The following ZNF708 variants were observed in gnomAD, a reference collection of about 807,000 sequenced individuals.
ZNF708 encodes zinc finger protein 708.
A neutral mutation model predicts 47.0 loss-of-function variants in ZNF708; 44 were observed. The ratio of observed to expected loss-of-function variants is 0.94; its 90% CI spans 0.74 to 1.20. The LOEUF is 1.20. Ranked by LOEUF, ZNF708 falls within the 50% of genes most tolerant of loss-of-function variation. The pLI is 0.00. For synonymous variants in ZNF708, 184 were observed against 218.5 expected (o/e 0.84, Z 1.39); for missense variants, 557 against 656.0 (o/e 0.85, Z 1.65).
Position 21,291,535 on chromosome 19 carries a change from T to C in ZNF708, c.*1739A>G, listed in dbSNP as rs1212805337. On this transcript the variant is annotated 3_prime_UTR_variant, in exon 4 of 4. Coordinates refer to ENST00000356929, the MANE Select transcript of ZNF708 (RefSeq NM_021269.3). ...CTAGAGAGTTGAATCACAGCAATAT[T>C]AGCTTTTTAAAAAATCTGTACTTCT... is the stretch of plus-strand genomic sequence containing the variant. The C allele has an allele frequency of 2.6e-5, 4 of 152,122 alleles. No individual in the cohort carries two copies. The highest frequency in any genetic ancestry group is 5.9e-5 in the Non-Finnish European group (4 of 68,020). 9.4% of individuals were successfully genotyped at this position (152,122 alleles called of 1,614,324 possible).
intron 3 of ZNF708, among the ~76,000 whole-genome samples, chr19:21,305,190 T>C (rs954278009): frequency 6.6e-6 from 1 of 151,614 alleles, no homozygotes; most frequent in Non-Finnish European, 1.5e-5. Flanking sequence ...TTTGTATTTT[T>C]AGTAGAGACA....
rs1294991564 is a variant in ZNF708, at chr19:21,297,256, ATATATATATATATATTTTTTTTTTTTT to A, written c.227-2544_227-2518del. Among the ~76,000 whole-genome samples, 6 of 14,146 alleles carry A rather than the reference ATATATATATATATATTTTTTTTTTTTT, an allele frequency of 4.2e-4. No homozygotes were observed. In the East Asian group the frequency reaches 7.1e-3, roughly 17 times the overall value. 9.3% of individuals were successfully genotyped at this position (14,146 alleles called of 152,430 possible). On this transcript the variant is annotated intron_variant, in intron 3 of 3. Transcript: ENST00000356929. ...GTATGCAAATAAGGTATATATATAT[ATATATATATATATATTTTTTTTTTTTT>A]TTTTTTTTTTTTTTTTCAGATGGAG...
At chr19:21,328,116 TAA>T (rs1568357328) in intron 1 of ZNF708, 1 of 549,576 alleles carries the variant, frequency 1.8e-6, no homozygotes, top group Non-Finnish European at 2.3e-6. Flanking sequence ...CATCACTCCG[TAA>T]AGTTTCCAAA....
rs200730603 is a variant in ZNF708, at chr19:21,310,487, A to C, written c.130+14T>G. On this transcript the variant is annotated intron_variant, in intron 2 of 3. Transcript: ENST00000356929. ...TAAATAATAAAAATTAAAAAAAAAA[A>C]AACTTATCCTCACCCAGGAATACCA... 108 of 1,324,964 alleles carry C rather than the reference A, an allele frequency of 8.2e-5. No individual in the cohort carries two copies. Among genetic ancestry groups the C allele is most frequent in the Non-Finnish European group, 9.6e-5 (98 of 1,023,340 alleles). 82.1% of individuals were successfully genotyped at this position (1,324,964 alleles called of 1,614,324 possible). A position where few individuals can be genotyped will look rare whatever the true frequency, so the allele number is the denominator to read the frequency against.
At chr19:21,296,358 C>G (rs1178735787) in intron 3 of ZNF708, among the ~76,000 whole-genome samples, 1 of 151,850 alleles carries the variant, frequency 6.6e-6, no homozygotes, top group Admixed American at 6.6e-5. Flanking sequence ...AAAAATTAGC[C>G]GGGCGTGGTC....
intron 3 of ZNF708, among the ~76,000 whole-genome samples, chr19:21,295,468 G>T (rs954990137): frequency 6.6e-6 from 1 of 152,000 alleles, no homozygotes; most frequent in Non-Finnish European, 1.5e-5. Flanking sequence ...TGACAGGGCC[G>T]GGCACAGTAG....
Position 21,321,677 on chromosome 19 carries a change from A to T in ZNF708, c.3+7533T>A, listed in dbSNP as rs181550565. ...GGGAGGTGAGAGAGAGAGAGAAAAGAAAAAAGAAGGAAACAAAGAAAGAAA... is the reference window on the plus strand; with the variant it reads ...GGGAGGTGAGAGAGAGAGAGAAAAGTAAAAAGAAGGAAACAAAGAAAGAAA... On this transcript the variant is annotated intron_variant, in intron 1 of 3. Transcript: ENST00000356929. Among the ~76,000 whole-genome samples, 24 of 148,724 alleles carry T rather than the reference A, an allele frequency of 1.6e-4. No homozygotes were observed. In the East Asian group the frequency reaches 4.5e-3, roughly 28 times the overall value.
chr19:21,320,912 C>T (rs544991392), intron 1 of ZNF708, among the ~76,000 whole-genome samples: 28 of 151,624 alleles, frequency 1.8e-4, no homozygotes, highest in South Asian at 6.3e-4. Context: ...GAGGCCGAGG[C>T]GGGTGGATCA....
intron 3 of ZNF708, among the ~76,000 whole-genome samples, chr19:21,297,450 A>G (rs1972562621): frequency 6.6e-6 from 1 of 150,456 alleles, no homozygotes; most frequent in African/African-American, 2.4e-5. Context: ...GTAATTCCCA[A>G]GGTACCACAA....
intron 1 of ZNF708, among the ~76,000 whole-genome samples, chr19:21,320,869 CG>C (rs1300159545): frequency 4.7e-5 from 7 of 149,354 alleles, no homozygotes; most frequent in African/African-American, 1.7e-4. Context: ...AGGCTGGGCG[CG>C]GTGGCTCACG....
intron 1 of ZNF708, among the ~76,000 whole-genome samples, chr19:21,314,238 T>C (rs1972959970): frequency 6.6e-6 from 1 of 151,518 alleles, no homozygotes; most frequent in Non-Finnish European, 1.5e-5. Context: ...TTCTGTTTTT[T>C]GTAAGCTTAC....
chr19:21,301,623 A>C (rs1972661534), intron 3 of ZNF708, among the ~76,000 whole-genome samples: 1 of 151,238 alleles, frequency 6.6e-6, no homozygotes, highest in Non-Finnish European at 1.5e-5. Flanking sequence ...CTCAAAAATA[A>C]AACAAACAAA....
At chr19:21,296,953 T>C (rs1315832458) in intron 3 of ZNF708, among the ~76,000 whole-genome samples, 1 of 151,494 alleles carries the variant, frequency 6.6e-6, no homozygotes, top group African/African-American at 2.4e-5. Context: ...GCCAACATGG[T>C]GAAACCCCAT....
rs1431726655 is a variant in ZNF708, at chr19:21,318,671, TG to T, written c.4-8045del. 3 of 152,222 alleles carry T rather than the reference TG, an allele frequency of 2.0e-5. No individual in the cohort carries two copies. In the East Asian group the frequency reaches 5.8e-4, roughly 29 times the overall value. 9.4% of individuals were successfully genotyped at this position (152,222 alleles called of 1,614,324 possible). A position where few individuals can be genotyped will look rare whatever the true frequency, so the allele number is the denominator to read the frequency against. Reference sequence around the variant, plus strand: ...CTGCTCTCATCTCCTAGCCATTGAATGGGGGTTCCATATTGAAATACAACTG... The same window carrying T: ...CTGCTCTCATCTCCTAGCCATTGAATGGGGTTCCATATTGAAATACAACTG... On this transcript the variant is annotated intron_variant, in intron 1 of 3. Transcript: ENST00000356929.
chr19:21,315,285 T>A (rs1972979811), intron 1 of ZNF708, among the ~76,000 whole-genome samples: 1 of 152,198 alleles, frequency 6.6e-6, no homozygotes, highest in Non-Finnish European at 1.5e-5. Flanking sequence ...GATGTCTATG[T>A]TGACATCTCA....
At chr19:21,327,860 A>T (rs530307576) in intron 1 of ZNF708, 2 of 325,472 alleles carry the variant, frequency 6.1e-6, no homozygotes, top group East Asian at 1.1e-4. Context: ...AGACAATCTT[A>T]ATGTCTCAAG....
chr19:21,328,815 T>C (rs1199015906), intron 1 of ZNF708, among the ~76,000 whole-genome samples: 1 of 152,192 alleles, frequency 6.6e-6, no homozygotes, highest in Non-Finnish European at 1.5e-5. Flanking sequence ...CTGCCACAGA[T>C]TTTTAATAGG....
Position 21,293,611 on chromosome 19 carries a change from T to A in ZNF708, c.1355A>T (p.Glu452Val). 1 of 1,612,750 alleles carries A rather than the reference T, an allele frequency of 6.2e-7. No individual in the cohort carries two copies. The highest frequency in any genetic ancestry group is 8.5e-7 in the Non-Finnish European group (1 of 1,179,770). Residue 452 changes from glutamate (E) to valine (V), a missense_variant, in exon 4 of 4, where the codon GAA becomes GTA. Glu to Val is a moderately radical substitution (Grantham distance 121). Coordinates refer to ENST00000356929, the MANE Select transcript of ZNF708 (RefSeq NM_021269.3). Reference protein sequence around the residue: ...HTEDKPYKCEECGKTFNYSSN... With the variant: ...HTEDKPYKCEVCGKTFNYSSN... ...GGAGTAGTTAAAAGTTTTGCCACAT[T>A]CTTCACATTTGTAGGGTTTGTCTTC...
In ZNF708 at chr19:21,292,437, C is replaced by A. The variant is rs1261015299; in HGVS notation, c.*837G>T. The A allele has an allele frequency of 6.6e-6, 1 of 152,100 alleles. No homozygotes were observed. Among genetic ancestry groups the A allele is most frequent in the Non-Finnish European group, 1.5e-5 (1 of 68,024 alleles). The allele number at this position is 152,100 out of a possible 1,614,324, so 9.4% of individuals were successfully genotyped here. A position where few individuals can be genotyped will look rare whatever the true frequency, so the allele number is the denominator to read the frequency against. ...CTGCAAAAATATATCTCAGTATGAACCCTCTGGTGTTGTCTAAGTTGTAGT... is the reference window on the plus strand; with the variant it reads ...CTGCAAAAATATATCTCAGTATGAAACCTCTGGTGTTGTCTAAGTTGTAGT... On this transcript the variant is annotated 3_prime_UTR_variant, in exon 4 of 4. Transcript: ENST00000356929.
Sources: allele counts gnomAD v4.1 joint callset (sites outside exome capture counted in the v4.1 genomes callset), GRCh38; gene constraint gnomAD v4.1.1; transcripts MANE v1.5; gene names NCBI Gene and HGNC (gene_info 2026-07-23, HGNC 2026-07-21).